GPC6: variants seen among roughly 807,000 people sequenced by gnomAD.
GPC6 encodes the protein glypican-6.
Under a neutral mutation model 55.2 loss-of-function variants are expected in GPC6, and 14 were observed. The observed-to-expected ratio is 0.25, with a 90% CI of 0.17 to 0.40. GPC6 has a LOEUF of 0.40. Ranked by LOEUF, GPC6 falls within the 10% of genes least tolerant of loss-of-function variation. GPC6 has a pLI of 1.00. For missense variants in GPC6, 641 were observed against 708.5 expected (o/e 0.90, Z 1.08); for synonymous variants, 278 against 259.6 (o/e 1.07, Z -0.68).
At chr13:94,353,156 C>A (rs1489788645) in intron 6 of GPC6, among the ~76,000 whole-genome samples, 1 of 152,060 alleles carries the variant, frequency 6.6e-6, no homozygotes, top group African/African-American at 2.4e-5. Flanking sequence ...CATGAGTTTG[C>A]CCCTGTGGGT....
At chr13:93,387,808 T>A (rs1875463788) in intron 1 of GPC6, among the ~76,000 whole-genome samples, 2 of 152,236 alleles carry the variant, frequency 1.3e-5, no homozygotes, top group Non-Finnish European at 2.9e-5. Context: ...CACTTTTTCA[T>A]ATTACTGGGC....
chr13:93,673,813 G>A (rs2139631648), intron 2 of GPC6, among the ~76,000 whole-genome samples: 1 of 152,180 alleles, frequency 6.6e-6, no homozygotes, highest in Non-Finnish European at 1.5e-5. Context: ...ACGTGTATTT[G>A]GCTTTTCAAT....
chr13:93,959,820 T>C (rs185366155), intron 3 of GPC6, among the ~76,000 whole-genome samples: 3 of 152,334 alleles, frequency 2.0e-5, no homozygotes, highest in Non-Finnish European at 4.4e-5. Context: ...TATCTTTATT[T>C]TAGAAATGAC....
chr13:93,355,160 C>G (rs971510249), intron 1 of GPC6, among the ~76,000 whole-genome samples: 1 of 152,084 alleles, frequency 6.6e-6, no homozygotes, highest in Non-Finnish European at 1.5e-5. Context: ...CTGTTTTTCT[C>G]CTTTTGCTTT....
chr13:94,266,575 T>G (rs1226633466), intron 4 of GPC6, among the ~76,000 whole-genome samples: 1 of 141,366 alleles, frequency 7.1e-6, no homozygotes, highest in Non-Finnish European at 1.5e-5. Context: ...CTTAACTGAC[T>G]TCTAGCAATT....
chr13:93,745,326 G>A (rs773367502), intron 2 of GPC6, among the ~76,000 whole-genome samples: 7 of 151,688 alleles, frequency 4.6e-5, no homozygotes, highest in Non-Finnish European at 7.4e-5. Flanking sequence ...TCCTTCTTCT[G>A]CCTGGAATGA....
At chr13:93,903,802 A>G (rs1441918869) in intron 3 of GPC6, among the ~76,000 whole-genome samples, 1 of 151,992 alleles carries the variant, frequency 6.6e-6, no homozygotes, top group African/African-American at 2.4e-5. Flanking sequence ...AACTGTTTTT[A>G]AAATCCTACT....
rs956983050 is a variant in GPC6 at position 93,237,378 on chromosome 13, AC to A, written c.160+9763del. Among the ~76,000 whole-genome samples the A allele has an allele frequency of 1.3e-3, 196 of 152,060 alleles. 3 individuals carry two copies. Among genetic ancestry groups the A allele is most frequent in the African/African-American group, 4.6e-3 (190 of 41,478 alleles). On this transcript the variant is annotated intron_variant, in intron 1 of 8. Coordinates refer to ENST00000377047, the MANE Select transcript of GPC6 (RefSeq NM_005708.5). ...CCATTTGTGTGTCTTCTTTTGAAAA[AC>A]GTCTCTTCATGTCATTTACACACTT... is the stretch of plus-strand genomic sequence containing the variant.
chr13:93,738,628 A>G (rs1419160045), intron 2 of GPC6, among the ~76,000 whole-genome samples: 1 of 152,118 alleles, frequency 6.6e-6, no homozygotes, highest in Non-Finnish European at 1.5e-5. Flanking sequence ...CCATCACACA[A>G]TAATTCTCAG....
At chr13:94,326,356 G>A (rs1050523682) in intron 6 of GPC6, among the ~76,000 whole-genome samples, 1 of 152,082 alleles carries the variant, frequency 6.6e-6, no homozygotes, top group African/African-American at 2.4e-5. Flanking sequence ...TATGGCACAA[G>A]GACAGCATAT....
chr13:93,612,546 C>T (rs955320925), intron 2 of GPC6, among the ~76,000 whole-genome samples: 5 of 150,454 alleles, frequency 3.3e-5, no homozygotes, highest in African/African-American at 1.2e-4. Flanking sequence ...CACACACAAA[C>T]TTCATGTGGC....
At chr13:94,100,570 C>T (rs766426378) in intron 4 of GPC6, among the ~76,000 whole-genome samples, 21 of 152,162 alleles carry the variant, frequency 1.4e-4, no homozygotes, top group African/African-American at 4.3e-4. Context: ...CCTGTGGTTT[C>T]GCCTTTGGAG....
intron 2 of GPC6, among the ~76,000 whole-genome samples, chr13:93,672,516 A>AT (rs1215046611): frequency 2.6e-5 from 4 of 151,756 alleles, no homozygotes; most frequent in East Asian, 1.9e-4. Context: ...TAAAAATTGG[A>AT]TTTTTTTCTC....
At chr13:94,169,990 T>G in intron 4 of GPC6, among the ~76,000 whole-genome samples, 1 of 152,186 alleles carries the variant, frequency 6.6e-6, no homozygotes, top group African/African-American at 2.4e-5. Context: ...AACTTTCACC[T>G]GTCACAGTTT....
chr13:93,833,628 G>A (rs539931029), intron 3 of GPC6, among the ~76,000 whole-genome samples: 5 of 151,800 alleles, frequency 3.3e-5, no homozygotes, highest in Non-Finnish European at 5.9e-5. Context: ...AATCTTGAAA[G>A]ACATCATGAA....
intron 4 of GPC6, among the ~76,000 whole-genome samples, chr13:94,046,108 CA>C (rs145268593): frequency 0.014 from 2,175 of 151,882 alleles, 35 homozygotes; most frequent in East Asian, 0.083. Flanking sequence ...GGACTGCCAA[CA>C]AAAAAATAGG....
intron 1 of GPC6, among the ~76,000 whole-genome samples, chr13:93,503,134 A>T (rs972359865): frequency 2.6e-5 from 4 of 151,998 alleles, no homozygotes; most frequent in African/African-American, 9.7e-5. Flanking sequence ...ATCATTTAGG[A>T]CTACTAGTTA....
At chr13:93,418,510 A>G (rs1294419425) in intron 1 of GPC6, among the ~76,000 whole-genome samples, 1 of 151,376 alleles carries the variant, frequency 6.6e-6, no homozygotes, top group Non-Finnish European at 1.5e-5. Flanking sequence ...TATTAATAGC[A>G]CTATACCATA....
chr13:94,080,981 T>C (rs1336977456), intron 4 of GPC6, among the ~76,000 whole-genome samples: 4 of 152,186 alleles, frequency 2.6e-5, no homozygotes, highest in African/African-American at 9.7e-5. Context: ...ATGAACCTCA[T>C]TGATAGCAGC....
Sources: allele counts gnomAD v4.1 joint callset (sites outside exome capture counted in the v4.1 genomes callset), GRCh38; gene constraint gnomAD v4.1.1; transcripts MANE v1.5; gene names NCBI Gene and HGNC (gene_info 2026-07-23, HGNC 2026-07-21).